Variants in ACSM3 observed in about 807,000 individuals in gnomAD.
The protein encoded by ACSM3 is acyl-CoA synthetase medium chain family member 3, also known as acyl-coenzyme A synthetase ACSM3, mitochondrial.
ACSM3 carries 61 observed loss-of-function variants against 74.1 expected under a neutral mutation model. That is an observed-to-expected ratio of 0.82 (90% CI 0.67 to 1.02). The LOEUF (loss-of-function observed/expected upper bound fraction) is 1.02, where lower values mean the gene tolerates loss of function less well. Ranked by LOEUF, ACSM3 falls within the 50% of genes least tolerant of loss-of-function variation. The pLI is 0.00. For missense variants in ACSM3, 660 were observed against 697.0 expected (o/e 0.95, Z 0.60); for synonymous variants, 213 against 241.5 (o/e 0.88, Z 1.09).
chr16:20,725,443 T>G (rs1475072171), intron 1 of ACSM3: 1 of 229,326 alleles, frequency 4.4e-6, no homozygotes, highest in African/African-American at 2.3e-5. Flanking sequence ...CCTTAAGAGG[T>G]ACTTGGGCAG....
chr16:20,775,663 A>G (rs1596516063), intron 2 of ACSM3, among the ~76,000 whole-genome samples, 176 bp from the exon 3 acceptor site: 2 of 152,268 alleles, frequency 1.3e-5, no homozygotes, highest in East Asian at 3.9e-4. Flanking sequence ...AGTACTGGGC[A>G]TCTCTAGTCA....
At chr16:20,779,425 C>CAAAAAAAAAA (rs3050137) in intron 4 of ACSM3, among the ~76,000 whole-genome samples, 1 of 131,982 alleles carries the variant, frequency 7.6e-6, no homozygotes, top group Non-Finnish European at 1.6e-5. Flanking sequence ...AACCCTGTCT[C>CAAAAAAAAAA]AAAAAAAAAA....
intron 9 of ACSM3, among the ~76,000 whole-genome samples, chr16:20,786,636 T>C (rs1408737642): frequency 6.6e-6 from 1 of 152,192 alleles, no homozygotes; most frequent in African/African-American, 2.4e-5. Context: ...TGAGCCATGA[T>C]CACACCACTG....
chr16:20,737,971 A>G (rs1320676394), intron 1 of ACSM3: 9 of 1,568,098 alleles, frequency 5.7e-6, no homozygotes, highest in South Asian at 4.8e-5. Context: ...AGAAAAAAAA[A>G]AAGTTAAGAA....
intron 2 of ACSM3, among the ~76,000 whole-genome samples, chr16:20,754,658 A>G (rs1043064164): frequency 6.6e-6 from 1 of 152,212 alleles, no homozygotes; most frequent in African/African-American, 2.4e-5. Context: ...GTTTGCTCAC[A>G]TGTATGCTTT....
At position 20,724,681 on chromosome 16, in the gene ACSM3, G is replaced by A. The variant is rs551220592; in HGVS notation, c.-189-25229G>A. 1.3e-3 allele frequency among the ~76,000 whole-genome samples: 195 copies of A among 152,252 alleles called. 1 individual carries two copies. The Middle Eastern group carries it at 0.014, about 11-fold the overall frequency. ...TAAGCTGATAAGCAACTTCAGCAAA[G>A]TCTCAGGATACAAAATCAATGTGCA... On this transcript the variant is annotated intron_variant, in intron 1 of 3. Transcript: ENST00000561584.
intron 1 of ACSM3, among the ~76,000 whole-genome samples, chr16:20,767,749 A>G (rs971593891): frequency 2.0e-5 from 3 of 152,226 alleles, no homozygotes; most frequent in Non-Finnish European, 4.4e-5. Context: ...CTGCTCTGGT[A>G]GAACTTACAT....
At chr16:20,714,217 A>G (rs1318674598) in intron 1 of ACSM3, among the ~76,000 whole-genome samples, 1 of 152,060 alleles carries the variant, frequency 6.6e-6, no homozygotes, top group Non-Finnish European at 1.5e-5. Flanking sequence ...GCAAAAAAAA[A>G]AAACACCCTA....
At position 20,789,184 on chromosome 16, in the gene ACSM3, G is replaced by C. The variant is rs1248261629; in HGVS notation, c.1225-1403G>C. 2.0e-5 allele frequency among the ~76,000 whole-genome samples: 3 copies of C among 152,122 alleles called. No homozygotes were observed. The East Asian group carries it at 5.8e-4, about 29-fold the overall frequency. On this transcript the variant is annotated intron_variant, in intron 9 of 13. Transcript: ENST00000289416. Reference sequence around the variant, plus strand: ...CTCTCTAGAGGCATTGCACAGAGGAGTGTAATGATTAAAAGCATATGATCT... The same window carrying C: ...CTCTCTAGAGGCATTGCACAGAGGACTGTAATGATTAAAAGCATATGATCT...
At chr16:20,728,531 T>G (rs2079814724) in intron 1 of ACSM3, 1 of 714,462 alleles carries the variant, frequency 1.4e-6, no homozygotes, top group South Asian at 1.9e-5. Context: ...AATACAGACT[T>G]TGGTCCAAAT....
At chr16:20,743,058 C>G (rs1028853168) in intron 1 of ACSM3, among the ~76,000 whole-genome samples, 3 of 151,184 alleles carry the variant, frequency 2.0e-5, no homozygotes, top group South Asian at 2.1e-4. Context: ...CTCCTGCCTC[C>G]CTCCCGAGTA....
At position 20,781,057 on chromosome 16, in the gene ACSM3, T is replaced by C; in HGVS notation, c.866T>C (p.Phe289Ser). The change falls in exon 6 of 14, where the codon TTT (phenylalanine) becomes TCT (serine). Residue 289 changes from phenylalanine to serine, a missense_variant. Phe to Ser is a radical substitution (Grantham distance 155). Transcript: ENST00000289416. The stretch of plus-strand genomic sequence containing the variant: ...GCAAAGTCTGCATGGAGTAGTGTTT[T>C]TTCTCCGTGGATCCAGGGAGCATGT... ...GWAKSAWSSV[F>S]SPWIQGACVF... 1 of 1,614,236 alleles carries C rather than the reference T, an allele frequency of 6.2e-7. No individual in the cohort carries two copies. Among genetic ancestry groups the C allele is most frequent in the Non-Finnish European group, 8.5e-7 (1 of 1,180,038 alleles).
intron 1 of ACSM3, chr16:20,737,201 G>A: frequency 6.2e-7 from 1 of 1,614,148 alleles, no homozygotes; most frequent in South Asian, 1.1e-5. Context: ...TCAGGCAACA[G>A]ACAGCTTTGA....
At chr16:20,681,233 C>T (rs1383451305) in intron 1 of ACSM3, 1 of 152,160 alleles carries the variant, frequency 6.6e-6, no homozygotes, top group Non-Finnish European at 1.5e-5. Flanking sequence ...ACAAGCAACA[C>T]AAATGAGAAA....
chr16:20,706,733 A>C (rs1424788527), intron 1 of ACSM3, among the ~76,000 whole-genome samples: 1 of 152,178 alleles, frequency 6.6e-6, no homozygotes, highest in South Asian at 2.1e-4. Flanking sequence ...CATGCACAGT[A>C]GTACCTCAGA....
At chr16:20,710,811 G>A (rs540499290) in intron 1 of ACSM3, among the ~76,000 whole-genome samples, 1 of 152,226 alleles carries the variant, frequency 6.6e-6, no homozygotes, top group East Asian at 1.9e-4. Context: ...TAGGTCGAGT[G>A]CAGTGGCTCA....
At chr16:20,794,743 A>C (rs2080683112) in intron 12 of ACSM3, among the ~76,000 whole-genome samples, 1 of 152,224 alleles carries the variant, frequency 6.6e-6, no homozygotes. Flanking sequence ...TCATTTAATC[A>C]TCATAATCTC....
chr16:20,708,680 GTCCAT>G (rs2079734559), intron 1 of ACSM3, among the ~76,000 whole-genome samples: 1 of 152,170 alleles, frequency 6.6e-6, no homozygotes, highest in African/African-American at 2.4e-5. Context: ...TTGTTAAGGT[GTCCAT>G]ATTATTCAGC....
intron 1 of ACSM3, chr16:20,731,467 G>A (rs1042274678): frequency 8.6e-5 from 17 of 198,348 alleles, no homozygotes; most frequent in African/African-American, 3.7e-4. Context: ...ACCTCACTTT[G>A]TAATTGTATC....
Sources: allele counts gnomAD v4.1 joint callset (sites outside exome capture counted in the v4.1 genomes callset), GRCh38; gene constraint gnomAD v4.1.1; transcripts MANE v1.5; gene names NCBI Gene and HGNC (gene_info 2026-07-23, HGNC 2026-07-21).